The following SGMS1 variants were observed in gnomAD, a reference collection of about 807,000 sequenced individuals.
The protein encoded by SGMS1 is sphingomyelin synthase 1.
A neutral mutation model predicts 46.2 loss-of-function variants in SGMS1; 13 were observed. The observed-to-expected ratio is 0.28, with a 90% CI of 0.18 to 0.45. The LOEUF is 0.45. Ranked by LOEUF, SGMS1 falls within the 20% of genes least tolerant of loss-of-function variation. SGMS1 has a pLI of 1.00. For missense variants in SGMS1, 324 were observed against 519.9 expected (o/e 0.62, Z 3.66); for synonymous variants, 203 against 187.8 (o/e 1.08, Z -0.66).
At chr10:50,622,943 C>T (rs904624268) in intron 1 of SGMS1, among the ~76,000 whole-genome samples, 1 of 152,234 alleles carries the variant, frequency 6.6e-6, no homozygotes, top group African/African-American at 2.4e-5. Context: ...GCGCAGACCC[C>T]CTCTGTCACG....
At chr10:50,427,986 A>AATGTGTGTGTGTGTGTGC (rs1849352010) in intron 6 of SGMS1, among the ~76,000 whole-genome samples, 5 of 151,538 alleles carry the variant, frequency 3.3e-5, no homozygotes, top group African/African-American at 1.2e-4. Context: ...AGAGAGAGAG[A>AATGTGTGTGTGTGTGTGC]ATGTGTGTGT....
intron 6 of SGMS1, among the ~76,000 whole-genome samples, chr10:50,397,139 T>A (rs1043938678): frequency 1.5e-4 from 23 of 152,240 alleles, no homozygotes; most frequent in Non-Finnish European, 2.9e-5. Flanking sequence ...AGATCTCTGA[T>A]GTAGTTGCTA....
chr10:50,362,497 C>T (rs1024356966), intron 6 of SGMS1, among the ~76,000 whole-genome samples: 7 of 151,930 alleles, frequency 4.6e-5, no homozygotes, highest in East Asian at 1.9e-4. Flanking sequence ...ATACTATCTG[C>T]GTAGTGTGAA....
intron 2 of SGMS1, among the ~76,000 whole-genome samples, chr10:50,532,743 G>A (rs1012434631): frequency 1.4e-4 from 21 of 152,208 alleles, no homozygotes; most frequent in Admixed American, 6.5e-5. Context: ...TTCATGATTT[G>A]GAAGGTAGTT....
chr10:50,318,575 C>T lies in SGMS1; in HGVS notation c.742-7160G>A, dbSNP rs150558640. On this transcript the variant is annotated intron_variant, in intron 8 of 10. Coordinates refer to ENST00000361781, the MANE Select transcript of SGMS1 (RefSeq NM_147156.4). ...ATTCTCCTTAAATATAGATCCCTGC[C>T]GGACGCTCACTGGTGGCCATCTCTT... Among the ~76,000 whole-genome samples, 351 of 152,184 alleles carry T rather than the reference C, an allele frequency of 2.3e-3. 1 individual carries two copies. The highest frequency in any genetic ancestry group is 7.9e-3 in the African/African-American group (327 of 41,528).
rs577274670 is a variant in SGMS1, at chr10:50,341,001, G to C, written c.623+2491C>G. ...AATTTGGAGAAGTCGTATAAAACAG[G>C]CTCCTAAGTGGCACACCTCCTAGTG... On this transcript the variant is annotated intron_variant, in intron 7 of 10. Transcript: ENST00000361781. Among the ~76,000 whole-genome samples, 6 of 152,266 alleles carry C rather than the reference G, an allele frequency of 3.9e-5. No homozygotes were observed. In the East Asian group the frequency reaches 9.7e-4, roughly 25 times the overall value.
chr10:50,396,778 G>T (rs1052224859), intron 6 of SGMS1, among the ~76,000 whole-genome samples: 1 of 152,010 alleles, frequency 6.6e-6, no homozygotes, highest in Non-Finnish European at 1.5e-5. Flanking sequence ...ACCCACAAGT[G>T]GCATTATTTT....
chr10:50,608,068 A>G (rs1156881911), intron 1 of SGMS1, among the ~76,000 whole-genome samples: 1 of 152,242 alleles, frequency 6.6e-6, no homozygotes, highest in African/African-American at 2.4e-5. Context: ...TTTAATAACA[A>G]AACTGTAATA....
Position 50,343,793 on chromosome 10 carries a change from G to T in SGMS1, c.322C>A (p.Pro108Thr), listed in dbSNP as rs934280240. ...FSIKIKPNGM[P>T]NGYRKEMIKI... ...ATCATCTCTTTCCTATACCCATTTG[G>T]CATCCCGTTGGGTTTAATCTTGATG... Residue 108 changes from proline (P) to threonine (T), a missense_variant, in exon 7 of 11, where the codon CCA becomes ACA. By Grantham distance (38) the Pro-to-Thr change is conservative. Around this residue, in one of 2 missense-constraint regions of SGMS1, gnomAD observed 150 missense variants for 169.8 expected, o/e 0.88. Transcript: ENST00000361781. 1.2e-6 allele frequency: 2 copies of T among 1,614,030 alleles called. No individual in the cohort carries two copies. Among genetic ancestry groups the T allele is most frequent in the Admixed American group, 1.7e-5 (1 of 59,998 alleles).
chr10:50,584,291 A>G (rs978197583), intron 2 of SGMS1, among the ~76,000 whole-genome samples: 5 of 152,122 alleles, frequency 3.3e-5, no homozygotes, highest in African/African-American at 9.7e-5. Context: ...CGAGGTCAGG[A>G]GTTCAAGACC....
rs58049533 is a variant in SGMS1, at chr10:50,322,838, CAA to C, written c.741+4365_741+4366del. Among the ~76,000 whole-genome samples the C allele has an allele frequency of 4.0e-3, 203 of 51,306 alleles. 1 individual carries two copies. The highest frequency in any genetic ancestry group is 0.012 in the African/African-American group (177 of 15,388). 33.7% of individuals were successfully genotyped at this position (51,306 alleles called of 152,430 possible). A position where few individuals can be genotyped will look rare whatever the true frequency, so the allele number is the denominator to read the frequency against. ...TGGGCGACAGAGCGAGACTCCGTCTCAAAAAAAAAAAAAAAAAAAAAAAAAGA... is the reference window on the plus strand; with the variant it reads ...TGGGCGACAGAGCGAGACTCCGTCTCAAAAAAAAAAAAAAAAAAAAAAAGA... On this transcript the variant is annotated intron_variant, in intron 8 of 10. Coordinates refer to ENST00000361781, the MANE Select transcript of SGMS1 (RefSeq NM_147156.4).
chr10:50,448,604 C>T (rs560886555), intron 5 of SGMS1, among the ~76,000 whole-genome samples: 5 of 151,902 alleles, frequency 3.3e-5, no homozygotes, highest in Non-Finnish European at 7.4e-5. Flanking sequence ...ATTAGCCGGG[C>T]GTGGTGGCGC....
At chr10:50,584,498 CAAAAAAA>C (rs751224205) in intron 2 of SGMS1, among the ~76,000 whole-genome samples, 1 of 69,558 alleles carries the variant, frequency 1.4e-5, no homozygotes, top group Non-Finnish European at 2.8e-5. Context: ...GACTCCATCT[CAAAAAAA>C]AAAAAAAAAA....
At chr10:50,363,367 C>G (rs1848284813) in intron 6 of SGMS1, among the ~76,000 whole-genome samples, 1 of 152,162 alleles carries the variant, frequency 6.6e-6, no homozygotes, top group African/African-American at 2.4e-5. Context: ...TTACATAACA[C>G]TAAATATTTC....
At chr10:50,313,738 C>T (rs1462092329) in intron 8 of SGMS1, among the ~76,000 whole-genome samples, 1 of 152,106 alleles carries the variant, frequency 6.6e-6, no homozygotes, top group Non-Finnish European at 1.5e-5. Context: ...GCAGCATCAC[C>T]CATACTTTGT....
At chr10:50,395,973 T>C (rs2133522007) in intron 6 of SGMS1, among the ~76,000 whole-genome samples, 1 of 152,326 alleles carries the variant, frequency 6.6e-6, no homozygotes, top group East Asian at 1.9e-4. Context: ...TGGGTATGTA[T>C]ACTGCTGAAA....
At chr10:50,610,107 T>G (rs1261745479) in intron 1 of SGMS1, among the ~76,000 whole-genome samples, 1 of 152,112 alleles carries the variant, frequency 6.6e-6, no homozygotes, top group African/African-American at 2.4e-5. Context: ...TTCCACTAAG[T>G]CAAATGGTCT....
intron 3 of SGMS1, among the ~76,000 whole-genome samples, chr10:50,495,047 TAAAATAAA>T (rs1837600620): frequency 2.0e-5 from 1 of 51,230 alleles, no homozygotes; most frequent in African/African-American, 7.8e-5. Flanking sequence ...AAAAAAAAAA[TAAAATAAA>T]AAAAAATACA....
chr10:50,602,979 C>T (rs1462944375), intron 1 of SGMS1, among the ~76,000 whole-genome samples: 1 of 152,184 alleles, frequency 6.6e-6, no homozygotes, highest in African/African-American at 2.4e-5. Context: ...CGAGTTTAGA[C>T]AATGGAATTC....
Sources: allele counts gnomAD v4.1 joint callset (sites outside exome capture counted in the v4.1 genomes callset), GRCh38; gene constraint gnomAD v4.1.1; regional missense constraint gnomAD v4.1.1; transcripts MANE v1.5; gene names NCBI Gene and HGNC (gene_info 2026-07-23, HGNC 2026-07-21).